The following DCDC2 variants were observed in gnomAD, a reference collection of about 807,000 sequenced individuals.
DCDC2 encodes doublecortin domain-containing protein 2.
A neutral mutation model predicts 50.2 loss-of-function variants in DCDC2; 40 were observed. The observed-to-expected ratio is 0.80, with a 90% CI of 0.62 to 1.04. The LOEUF (loss-of-function observed/expected upper bound fraction) is 1.04, where lower values mean the gene tolerates loss of function less well. DCDC2 is among the 50% of genes least tolerant of loss of function. The pLI, the probability that DCDC2 is intolerant of heterozygous loss-of-function variation, is 0.00. For missense variants in DCDC2, 570 were observed against 581.9 expected (o/e 0.98, Z 0.21); for synonymous variants, 234 against 210.6 (o/e 1.11, Z -0.96).
At chr6:24,369,201 G>T in the DCDC2 span, among the ~76,000 whole-genome samples, 3 of 150,414 alleles carry the variant, frequency 2.0e-5, no homozygotes, top group Non-Finnish European at 4.4e-5. Flanking sequence ...TAATCAAAAT[G>T]TAAGCATTAT....
chr6:24,366,230 T>A, the DCDC2 span, among the ~76,000 whole-genome samples: 1 of 152,328 alleles, frequency 6.6e-6, no homozygotes, highest in Admixed American at 6.5e-5. Context: ...CATAAGTGGA[T>A]CCTGAAGAAA....
At chr6:24,211,454 A>G (rs551007277) in intron 7 of DCDC2, among the ~76,000 whole-genome samples, 8 of 152,322 alleles carry the variant, frequency 5.3e-5, no homozygotes, top group African/African-American at 1.7e-4. Flanking sequence ...AGAAACTGTG[A>G]GCATGTTACA....
At chr6:24,269,263 T>C (rs1291671803) in intron 7 of DCDC2, among the ~76,000 whole-genome samples, 1 of 152,256 alleles carries the variant, frequency 6.6e-6, no homozygotes, top group African/African-American at 2.4e-5. Context: ...AAATGGCCTA[T>C]GTTCTTTAGT....
At chr6:24,347,652 G>A (rs1211916816) in intron 2 of DCDC2, among the ~76,000 whole-genome samples, 1 of 152,048 alleles carries the variant, frequency 6.6e-6, no homozygotes, top group Non-Finnish European at 1.5e-5. Context: ...CTTGGATTTT[G>A]GTGTCCTCAG....
chr6:24,374,867 C>T, the DCDC2 span, among the ~76,000 whole-genome samples: 4 of 152,176 alleles, frequency 2.6e-5, no homozygotes, highest in African/African-American at 7.2e-5. Flanking sequence ...TCAGCCCCAT[C>T]GGGAGAACGC....
At chr6:24,282,817 A>C (rs1023345553) in intron 6 of DCDC2, among the ~76,000 whole-genome samples, 2 of 152,096 alleles carry the variant, frequency 1.3e-5, no homozygotes, top group Non-Finnish European at 2.9e-5. Context: ...CATTTCTCTC[A>C]TCTGCATATC....
At chr6:24,272,862 G>T (rs1435258451) in intron 7 of DCDC2, among the ~76,000 whole-genome samples, 1 of 152,096 alleles carries the variant, frequency 6.6e-6, no homozygotes, top group Non-Finnish European at 1.5e-5. Context: ...TTCATTACTG[G>T]ATATCAAAAG....
At chr6:24,241,247 CTG>C in intron 7 of DCDC2, among the ~76,000 whole-genome samples, 1 of 152,282 alleles carries the variant, frequency 6.6e-6, no homozygotes, top group South Asian at 2.1e-4. Context: ...ATTTTCAAAA[CTG>C]TGACCAAAAA....
At chr6:24,301,658 T>C in intron 4 of DCDC2, 57 bp downstream of exon 4, 1 of 1,595,972 alleles carries the variant, frequency 6.3e-7, no homozygotes, top group Non-Finnish European at 8.6e-7. Context: ...CGGAGCCTCC[T>C]GAGAATATCT....
At chr6:24,254,226 C>T (rs985554512) in intron 7 of DCDC2, among the ~76,000 whole-genome samples, 17 of 152,078 alleles carry the variant, frequency 1.1e-4, no homozygotes, top group African/African-American at 4.1e-4. Flanking sequence ...CCTGAAACAC[C>T]TACCTGAGAC....
At chr6:24,261,780 G>A (rs528369254) in intron 7 of DCDC2, among the ~76,000 whole-genome samples, 41 of 152,062 alleles carry the variant, frequency 2.7e-4, no homozygotes, top group Non-Finnish European at 5.1e-4. Context: ...AGCTTTTGGT[G>A]AAACCCAAAT....
At chr6:24,332,906 C>G (rs1759991462) in intron 2 of DCDC2, among the ~76,000 whole-genome samples, 1 of 152,066 alleles carries the variant, frequency 6.6e-6, no homozygotes, top group South Asian at 2.1e-4. Context: ...AGTTTACAAT[C>G]TAGGAGGAGA....
chr6:24,267,675 CA>C (rs1202623392), intron 7 of DCDC2, among the ~76,000 whole-genome samples: 8 of 152,082 alleles, frequency 5.3e-5, no homozygotes, highest in Non-Finnish European at 8.8e-5. Context: ...GACACAAAAG[CA>C]ATTTTCATAA....
chr6:24,278,362 T>G (rs1763405792), intron 6 of DCDC2, 151 bp from the exon 7 acceptor site: 1 of 600,416 alleles, frequency 1.7e-6, no homozygotes, highest in Admixed American at 3.5e-5. Context: ...ATACATTAAC[T>G]CCAAATGTAT....
chr6:24,358,512 TAAAAA>T (rs966038766), upstream of DCDC2, among the ~76,000 whole-genome samples: 2 of 75,908 alleles, frequency 2.6e-5, no homozygotes, highest in South Asian at 3.8e-4. Flanking sequence ...TCTCTACAAT[TAAAAA>T]AAAAAAAAAA....
chr6:24,346,104 G>T (rs1232617692), intron 2 of DCDC2, among the ~76,000 whole-genome samples: 2 of 150,666 alleles, frequency 1.3e-5, no homozygotes, highest in Admixed American at 1.3e-4. Flanking sequence ...GCTTGAACTT[G>T]GGAGGGGAGG....
intron 8 of DCDC2, among the ~76,000 whole-genome samples, chr6:24,183,998 C>A (rs1409618284): frequency 6.6e-6 from 1 of 152,172 alleles, no homozygotes; most frequent in African/African-American, 2.4e-5. Context: ...ACATCACACG[C>A]AGCATTTCAT....
chr6:24,331,254 A>T (rs1037846651), intron 2 of DCDC2, among the ~76,000 whole-genome samples: 1 of 152,048 alleles, frequency 6.6e-6, no homozygotes, highest in Non-Finnish European at 1.5e-5. Flanking sequence ...TTAATAAATA[A>T]AAGTTAATTC....
chr6:24,278,089 A>G lies in DCDC2; in HGVS notation c.882T>C (p.Asn294=). 6.2e-7 allele frequency: 1 copy of G among 1,613,308 alleles called. No homozygotes were observed. The highest frequency in any genetic ancestry group is 8.5e-7 in the Non-Finnish European group (1 of 1,179,542). ...TTTCTTGTGAATTCTTTAATTTTAC[A>G]TTTTGTTTCAATTTCGTCAGTTTTT... The part of the protein sequence containing the change: ...NSEKLTKLKQ[N]VKLKNSQETI... Residue 294 remains asparagine, a synonymous_variant, in exon 7 of 10, where the codon AAT becomes AAC. Transcript: ENST00000378454.
Sources: allele counts gnomAD v4.1 joint callset (sites outside exome capture counted in the v4.1 genomes callset), GRCh38; gene constraint gnomAD v4.1.1; transcripts MANE v1.5; gene names NCBI Gene and HGNC (gene_info 2026-07-23, HGNC 2026-07-21).